CAV1: variants seen among roughly 807,000 people sequenced by gnomAD.
The protein encoded by CAV1 is caveolin 1, also known as caveolin-1.
In CAV1, 10 loss-of-function variants were observed where a neutral mutation model predicts 16.5. That is an observed-to-expected ratio of 0.61 (90% CI 0.37 to 1.03). The LOEUF (loss-of-function observed/expected upper bound fraction) is 1.03. Among genes scored for constraint, CAV1 ranks in the 50% least tolerant of loss-of-function variants. The pLI, the probability that CAV1 is intolerant of heterozygous loss-of-function variation, is 0.01. For synonymous variants in CAV1, 76 were observed against 85.1 expected (o/e 0.89, Z 0.59); for missense variants, 212 against 232.8 (o/e 0.91, Z 0.58).
chr7:116,558,888 G>A, intron 2 of CAV1, 58 bp from the exon 3 acceptor site: 1 of 1,315,760 alleles, frequency 7.6e-7, no homozygotes, highest in South Asian at 1.2e-5. Context: ...CTGAATAGTG[G>A]GTTTTTTTTC....
At chr7:116,548,278 G>T (rs1489568720) in intron 2 of CAV1, among the ~76,000 whole-genome samples, 1 of 152,176 alleles carries the variant, frequency 6.6e-6, no homozygotes, top group Non-Finnish European at 1.5e-5. Flanking sequence ...CTAAAGAAAT[G>T]GAATAAGGGG....
intron 2 of CAV1, among the ~76,000 whole-genome samples, chr7:116,536,832 T>C (rs987380483): frequency 2.0e-5 from 3 of 151,164 alleles, no homozygotes; most frequent in African/African-American, 7.3e-5. Context: ...TGAAACCCCG[T>C]CTCTACTAAA....
intron 2 of CAV1, among the ~76,000 whole-genome samples, chr7:116,550,445 G>A (rs1450800061): frequency 6.6e-6 from 1 of 152,152 alleles, no homozygotes; most frequent in Non-Finnish European, 1.5e-5. Context: ...TACAATCCAG[G>A]CCTCCTGTTT....
At chr7:116,544,362 T>C (rs1248381511) in intron 2 of CAV1, among the ~76,000 whole-genome samples, 2 of 152,174 alleles carry the variant, frequency 1.3e-5, no homozygotes, top group Non-Finnish European at 2.9e-5. Context: ...TAAATAGCAG[T>C]ATTCACTAAT....
chr7:116,537,386 T>G (rs1410974466), intron 2 of CAV1, among the ~76,000 whole-genome samples: 1 of 152,094 alleles, frequency 6.6e-6, no homozygotes, highest in Non-Finnish European at 1.5e-5. Flanking sequence ...CTTCCAGCAC[T>G]CCCTATAGGC....
intron 2 of CAV1, among the ~76,000 whole-genome samples, chr7:116,535,977 G>T (rs2115986554): frequency 6.6e-6 from 1 of 152,276 alleles, no homozygotes; most frequent in South Asian, 2.1e-4. Flanking sequence ...TTAAAAAGCT[G>T]CATTCAGTGT....
intron 2 of CAV1, 28 bp downstream of exon 2, chr7:116,526,717 GCTGGGACAGCTCTCCT>G: frequency 1.2e-6 from 2 of 1,613,458 alleles, no homozygotes; most frequent in Non-Finnish European, 1.7e-6. Context: ...ACAGGGAAGG[GCTGGGACAGCTCTCCT>G]CTGGCAGTTA....
intron 2 of CAV1, among the ~76,000 whole-genome samples, chr7:116,550,328 C>T (rs3801993): frequency 2.0e-5 from 3 of 152,106 alleles, no homozygotes; most frequent in East Asian, 1.9e-4. Flanking sequence ...AGGGAACCAA[C>T]GTCGAAGCCC....
intron 2 of CAV1, among the ~76,000 whole-genome samples, chr7:116,537,904 A>G (rs1348517335): frequency 6.6e-6 from 1 of 152,234 alleles, no homozygotes; most frequent in African/African-American, 2.4e-5. Context: ...GAGTAGAACT[A>G]GAGTAGAACT....
chr7:116,549,942 A>C (rs1344159946), intron 2 of CAV1, among the ~76,000 whole-genome samples: 1 of 152,162 alleles, frequency 6.6e-6, no homozygotes, highest in African/African-American at 2.4e-5. Context: ...ACCTTCCTTC[A>C]ATGGGGAAAT....
In CAV1 at chr7:116,560,555, G is replaced by C. The variant is rs910429010; in HGVS notation, c.*1268G>C. ...ATCCCTTTGCCCAGAAAGAAGATGG[G>C]GGAGGAGGCAGTAATAAAAAGATTG... On this transcript the variant is annotated 3_prime_UTR_variant, in exon 3 of 3. Transcript: ENST00000341049. 3.9e-5 allele frequency: 6 copies of C among 152,208 alleles called. No homozygotes were observed. Among genetic ancestry groups the C allele is most frequent in the African/African-American group, 1.4e-4 (6 of 41,450 alleles). The allele number at this position is 152,208 out of a possible 1,614,324, so 9.4% of individuals were successfully genotyped here. A position where few individuals can be genotyped will look rare whatever the true frequency, so the allele number is the denominator to read the frequency against.
chr7:116,530,208 C>CTTTTTTTTTTTTTT lies in CAV1; in HGVS notation c.195+3532_195+3533insTTTTTTTTTTTTTT, dbSNP rs3030806. On this transcript the variant is annotated intron_variant, in intron 2 of 2. Coordinates refer to ENST00000341049, the MANE Select transcript of CAV1 (RefSeq NM_001753.5). ...CATGGAAACTGATTGGTCCTTTTTC[C>CTTTTTTTTTTTTTT]TTTTTTTTTTTTTGCCTTGACTGCC... Among the ~76,000 whole-genome samples, 108 of 125,346 alleles carry CTTTTTTTTTTTTTT rather than the reference C, an allele frequency of 8.6e-4. 8 individuals carry two copies. The highest frequency in any genetic ancestry group is 2.3e-3 in the African/African-American group (73 of 31,176). 82.2% of individuals were successfully genotyped at this position (125,346 alleles called of 152,430 possible). A position where few individuals can be genotyped will look rare whatever the true frequency, so the allele number is the denominator to read the frequency against.
chr7:116,538,481 T>C (rs1793870535), intron 2 of CAV1, among the ~76,000 whole-genome samples: 1 of 152,236 alleles, frequency 6.6e-6, no homozygotes, highest in Non-Finnish European at 1.5e-5. Flanking sequence ...ATTGCGTTCA[T>C]TAGATTTCAC....
At chr7:116,533,777 C>T (rs1562829635) in intron 2 of CAV1, among the ~76,000 whole-genome samples, 1 of 152,102 alleles carries the variant, frequency 6.6e-6, no homozygotes, top group South Asian at 2.1e-4. Context: ...CCAAACAACA[C>T]GTCATTTATA....
chr7:116,556,156 A>G (rs1383497485), intron 2 of CAV1, among the ~76,000 whole-genome samples: 2 of 152,250 alleles, frequency 1.3e-5, no homozygotes, highest in Non-Finnish European at 2.9e-5. Context: ...CTTAAAAGAA[A>G]GTGTAAGAAT....
At chr7:116,546,676 A>C (rs1268238880) in intron 2 of CAV1, among the ~76,000 whole-genome samples, 1 of 138,694 alleles carries the variant, frequency 7.2e-6, no homozygotes, top group Non-Finnish European at 1.6e-5. Flanking sequence ...CAGACTGGGC[A>C]ACAAGAATGA....
chr7:116,539,493 C>G (rs1378737367), intron 2 of CAV1, among the ~76,000 whole-genome samples: 2 of 152,094 alleles, frequency 1.3e-5, no homozygotes, highest in Non-Finnish European at 2.9e-5. Flanking sequence ...TATTGAGTGT[C>G]TTTCTTCCTT....
At chr7:116,545,921 TG>T (rs1254965624) in intron 2 of CAV1, among the ~76,000 whole-genome samples, 2 of 152,238 alleles carry the variant, frequency 1.3e-5, no homozygotes, top group African/African-American at 4.8e-5. Context: ...GATGAATCCC[TG>T]TAATTGCATG....
At chr7:116,525,370 G>A (rs1055109474) in intron 1 of CAV1, 1 of 1,531,516 alleles carries the variant, frequency 6.5e-7, no homozygotes, top group Non-Finnish European at 8.8e-7. Context: ...GGTCTGTTGG[G>A]CCCAGGACGC....
Sources: gnomAD v4.1 joint callset for allele counts (sites outside exome capture counted in the v4.1 genomes callset) on GRCh38, gnomAD v4.1.1 for gene constraint, MANE v1.5 for transcripts, NCBI Gene and HGNC (gene_info 2026-07-23, HGNC 2026-07-21) for gene names.